IMPDH2: variants seen among roughly 807,000 people sequenced by gnomAD.
IMPDH2 encodes the protein inosine-5'-monophosphate dehydrogenase 2.
In IMPDH2, 33 loss-of-function variants were observed where a neutral mutation model predicts 57.8. The ratio of observed to expected loss-of-function variants is 0.57; its 90% CI spans 0.43 to 0.76. The LOEUF (loss-of-function observed/expected upper bound fraction) is 0.76. IMPDH2 is among the 30% of genes least tolerant of loss of function. IMPDH2 has a pLI of 0.00. For missense variants in IMPDH2, 446 were observed against 659.1 expected (o/e 0.68, Z 3.54); for synonymous variants, 270 against 241.3 (o/e 1.12, Z -1.10).
chr3:49,026,896 G>A lies in IMPDH2; in HGVS notation c.620-10C>T, dbSNP rs1298520579. ...ACAATGGGCAACTTTCCTGTGGTCA[G>A]GGCAGGACATGAATCAGGACCCTAG... On this transcript the variant is annotated splice_polypyrimidine_tract_variant and intron_variant, in intron 6 of 13. Coordinates refer to ENST00000326739, the MANE Select transcript of IMPDH2 (RefSeq NM_000884.3). The A allele has an allele frequency of 6.2e-7, 1 of 1,614,160 alleles. No individual in the cohort carries two copies. Among genetic ancestry groups the A allele is most frequent in the Non-Finnish European group, 8.5e-7 (1 of 1,179,972 alleles).
In IMPDH2 at chr3:49,026,875, TG is replaced by T. The variant is rs780697969; in HGVS notation, c.630del (p.Ile211LeufsTer2). The stretch of plus-strand genomic sequence containing the variant: ...ACAAGCTCATCATCTTCATTTACAA[TG>T]GGCAACTTTCCTGTGGTCAGGGCAG... ...ILQRSKKGKLPIVNEDDELVA... is the reference protein window; with the variant it reads ...ILQRSKKGKLXIVNEDDELVA... On this transcript the variant is annotated frameshift_variant, in exon 7 of 14. Coordinates refer to ENST00000326739, the MANE Select transcript of IMPDH2 (RefSeq NM_000884.3). LOFTEE classifies it high-confidence loss of function. 6.2e-7 allele frequency: 1 copy of T among 1,614,244 alleles called. No individual in the cohort carries two copies. Among genetic ancestry groups the T allele is most frequent in the South Asian group, 1.1e-5 (1 of 91,088 alleles).
At chr3:49,028,917 G>A in intron 1 of IMPDH2, 111 bp from the exon 2 acceptor site, 1 of 871,616 alleles carries the variant, frequency 1.1e-6, no homozygotes, top group East Asian at 2.6e-5. Flanking sequence ...GAGTGGCACT[G>A]ACAGAGTCTG....
chr3:49,029,309 T>G lies in IMPDH2; in HGVS notation c.42A>C (p.Pro14=). The G allele has an allele frequency of 6.2e-7, 1 of 1,607,472 alleles. No homozygotes were observed. The highest frequency in any genetic ancestry group is 1.1e-5 in the South Asian group (1 of 89,838). ...GCTGCTGTGCTGTGAGTCCGTCGTC[T>G]GGCACGTAGGACGTGCCCCCACTAA... ...YLISGGTSYV[P]DDGLTAQQLF... The change falls in exon 1 of 14, where the codon CCA becomes CCC. Residue 14 remains proline (P), a synonymous_variant. Transcript: ENST00000326739.
Position 49,027,833 on chromosome 3 carries a change from C to A in IMPDH2, c.408G>T (p.Arg136=). 3 of 1,614,236 alleles carry A rather than the reference C, an allele frequency of 1.9e-6. No individual in the cohort carries two copies. Among genetic ancestry groups the A allele is most frequent in the Non-Finnish European group, 2.5e-6 (3 of 1,180,040 alleles). Residue 136 remains arginine (R), a synonymous_variant, in exon 5 of 14, where the codon CGG becomes CGT. Transcript: ENST00000326739. ...RVRDVFEAKA[R]HGFCGIPITD... ...TGATTGGGATACCGCAGAAACCATG[C>A]CGGGCCTTGGCCTCAAAAACATCCC...
Position 49,026,619 on chromosome 3 carries a change from G to A in IMPDH2, c.820-10C>T. On this transcript the variant is annotated splice_polypyrimidine_tract_variant and intron_variant, in intron 7 of 13. Coordinates refer to ENST00000326739, the MANE Select transcript of IMPDH2 (RefSeq NM_000884.3). ...TTCCCTGGGAAGAGTCCTAGGACAAGAAGTAAGTCTCAGACTGTGATGTGG... is the reference window on the plus strand; with the variant it reads ...TTCCCTGGGAAGAGTCCTAGGACAAAAAGTAAGTCTCAGACTGTGATGTGG... 5 of 1,612,772 alleles carry A rather than the reference G, an allele frequency of 3.1e-6. No homozygotes were observed. Among genetic ancestry groups the A allele is most frequent in the Non-Finnish European group, 3.4e-6 (4 of 1,178,752 alleles).
At chr3:49,028,204 T>C (rs780258814) in intron 4 of IMPDH2, 44 bp downstream of exon 4, 3 of 1,511,386 alleles carry the variant, frequency 2.0e-6, no homozygotes, top group Non-Finnish European at 2.8e-6. Flanking sequence ...CCCACCTCAG[T>C]GCAATTCCCA....
chr3:49,029,246 C>T lies in IMPDH2; in HGVS notation c.98+7G>A, dbSNP rs1275735956. On this transcript the variant is annotated splice_region_variant and intron_variant, in intron 1 of 13. Transcript: ENST00000326739. ...TCTTCGCCCAGGTGAGCCCCATAGGCCCGCACTTGTAGGTGAGGCCGTCTC... is the reference window on the plus strand; with the variant it reads ...TCTTCGCCCAGGTGAGCCCCATAGGTCCGCACTTGTAGGTGAGGCCGTCTC... 5 of 1,592,540 alleles carry T rather than the reference C, an allele frequency of 3.1e-6. No individual in the cohort carries two copies. Among genetic ancestry groups the T allele is most frequent in the South Asian group, 1.1e-5 (1 of 88,374 alleles).
Position 49,024,698 on chromosome 3 carries a change from G to A in IMPDH2, c.1400C>T (p.Ser467Leu). The A allele has an allele frequency of 6.2e-7, 1 of 1,614,242 alleles. No individual in the cohort carries two copies. The highest frequency in any genetic ancestry group is 8.5e-7 in the Non-Finnish European group (1 of 1,180,058). ...GCTCTTGGCACCAATGTCCTGGCAT[G>A]AGTGTTGGATGCCAGCAATCAGGTA... ...VPYLIAGIQHSCQDIGAKSLT... is the reference protein window; with the variant it reads ...VPYLIAGIQHLCQDIGAKSLT... The change falls in exon 12 of 14, where the codon TCA becomes TTA. Residue 467 changes from serine (S) to leucine (L), a missense_variant. By Grantham distance (145) the Ser-to-Leu change is moderately radical. Transcript: ENST00000326739.
At chr3:49,027,432 C>A (rs575097264) in intron 5 of IMPDH2, among the ~76,000 whole-genome samples, 1 of 152,312 alleles carries the variant, frequency 6.6e-6, no homozygotes, top group Non-Finnish European at 1.5e-5. Flanking sequence ...ATAAGGAGGA[C>A]AACACAGGAA....
Position 49,026,543 on chromosome 3 carries a change from T to G in IMPDH2, c.886A>C (p.Asn296His). ...MIKYIKDKYP[N>H]LQVIGGNVVT... Reference sequence around the variant, plus strand: ...CCATTGCCTCCAATGACTTGGAGATTAGGGTATTTGTCTTTGATGTACTTG... The same window carrying G: ...CCATTGCCTCCAATGACTTGGAGATGAGGGTATTTGTCTTTGATGTACTTG... Residue 296 changes from asparagine to histidine, a missense_variant, in exon 8 of 14, where the codon AAT (asparagine) becomes CAT (histidine). Asn to His is a moderately conservative substitution (Grantham distance 68, BLOSUM62 1). Transcript: ENST00000326739. 2 of 1,613,542 alleles carry G rather than the reference T, an allele frequency of 1.2e-6. No homozygotes were observed. Among genetic ancestry groups the G allele is most frequent in the Non-Finnish European group, 8.5e-7 (1 of 1,179,408 alleles).
rs142797363 is a variant in IMPDH2, at chr3:49,027,873, G to C, written c.368C>G (p.Pro123Arg). The C allele has an allele frequency of 2.7e-5, 43 of 1,614,070 alleles. No individual in the cohort carries two copies. Among genetic ancestry groups the C allele is most frequent in the Non-Finnish European group, 3.4e-5 (40 of 1,180,018 alleles). ...GFITDPVVLS[P>R]KDRVRDVFEA... ...AAAAACATCCCGCACGCGATCCTTG[G>C]GGCTGAGGACCACAGGGTCTGTGAT... The change falls in exon 5 of 14, where the codon CCC becomes CGC. Residue 123 changes from proline (P) to arginine (R), a missense_variant. Pro to Arg is a moderately radical substitution (Grantham distance 103). Coordinates refer to ENST00000326739, the MANE Select transcript of IMPDH2 (RefSeq NM_000884.3).
At chr3:49,025,303 G>T (rs374390172) in intron 9 of IMPDH2, 34 bp from the exon 10 acceptor site, 1 of 1,613,262 alleles carries the variant, frequency 6.2e-7, no homozygotes, top group South Asian at 1.1e-5. Flanking sequence ...GGTGGATAGG[G>T]TTAATGGGGA....
At position 49,029,286 on chromosome 3, in the gene IMPDH2, T is replaced by C; in HGVS notation, c.65A>G (p.Gln22Arg). Reference sequence around the variant, plus strand: ...GAGGCCGTCTCCGCAGTTGAAGAGCTGCTGTGCTGTGAGTCCGTCGTCTGG... The same window carrying C: ...GAGGCCGTCTCCGCAGTTGAAGAGCCGCTGTGCTGTGAGTCCGTCGTCTGG... ...YVPDDGLTAQ[Q>R]LFNCGDGLTY... Residue 22 changes from glutamine (Q) to arginine (R), a missense_variant, in exon 1 of 14, where the codon CAG becomes CGG. By Grantham distance (43) the Gln-to-Arg change is conservative. Coordinates refer to ENST00000326739, the MANE Select transcript of IMPDH2 (RefSeq NM_000884.3). 3 of 1,608,424 alleles carry C rather than the reference T, an allele frequency of 1.9e-6. No individual in the cohort carries two copies. The highest frequency in any genetic ancestry group is 2.5e-6 in the Non-Finnish European group (3 of 1,177,628).
At chr3:49,025,996 A>G (rs1375864490) in intron 9 of IMPDH2, 1 of 481,246 alleles carries the variant, frequency 2.1e-6, no homozygotes, top group South Asian at 1.5e-5. Context: ...TGGACTTACT[A>G]TAGCAACCCG....
Position 49,026,552 on chromosome 3 carries a change from T to C in IMPDH2, c.877A>G (p.Lys293Glu). The C allele has an allele frequency of 2.5e-6, 4 of 1,613,958 alleles. No individual in the cohort carries two copies. The highest frequency in any genetic ancestry group is 3.4e-6 in the Non-Finnish European group (4 of 1,179,778). ...QINMIKYIKD[K>E]YPNLQVIGGN... The stretch of plus-strand genomic sequence containing the variant: ...CCAATGACTTGGAGATTAGGGTATT[T>C]GTCTTTGATGTACTTGATCATATTG... The change falls in exon 8 of 14, where the codon AAA (lysine) becomes GAA (glutamate). Residue 293 changes from lysine (K) to glutamate (E), a missense_variant. Transcript: ENST00000326739.
At chr3:49,027,625 T>C in intron 5 of IMPDH2, 85 bp downstream of exon 5, 2 of 1,121,594 alleles carry the variant, frequency 1.8e-6, no homozygotes, top group Non-Finnish European at 1.4e-6. Flanking sequence ...GAGAAGAGGC[T>C]ATCAGAGATG....
intron 1 of IMPDH2, 51 bp from the exon 2 acceptor site, chr3:49,028,857 A>G: frequency 5.0e-6 from 7 of 1,404,390 alleles, no homozygotes; most frequent in South Asian, 1.2e-5. Context: ...TTAGGGCAGC[A>G]TGAGACTCCA....
At position 49,027,038 on chromosome 3, in the gene IMPDH2, T is replaced by C. The variant is rs1372369639; in HGVS notation, c.541A>G (p.Lys181Glu). The change falls in exon 6 of 14, where the codon AAG becomes GAG. Residue 181 changes from lysine to glutamate, a missense_variant. Coordinates refer to ENST00000326739, the MANE Select transcript of IMPDH2 (RefSeq NM_000884.3). ...HDCFLEEIMT[K>E]REDLVVAPAG... Reference sequence around the variant, plus strand: ...GGGGCTACCACCAAGTCTTCCCTCTTTGTCATTATCTACGTGGGAGGTGAG... The same window carrying C: ...GGGGCTACCACCAAGTCTTCCCTCTCTGTCATTATCTACGTGGGAGGTGAG... 2.4e-5 allele frequency: 38 copies of C among 1,612,908 alleles called. No homozygotes were observed. Among genetic ancestry groups the C allele is most frequent in the Non-Finnish European group, 3.1e-5 (36 of 1,178,952 alleles).
At chr3:49,029,072 T>A (rs1348026479) in intron 1 of IMPDH2, 181 bp downstream of exon 1, 1 of 660,532 alleles carries the variant, frequency 1.5e-6, no homozygotes, top group Non-Finnish European at 2.7e-6. Context: ...ACTACTGAGA[T>A]GCTTCTCCGT....
Sources: gnomAD v4.1 joint callset for allele counts (sites outside exome capture counted in the v4.1 genomes callset) on GRCh38, gnomAD v4.1.1 for gene constraint, MANE v1.5 for transcripts, NCBI Gene and HGNC (gene_info 2026-07-23, HGNC 2026-07-21) for gene names.